The following FARSB variants were observed in gnomAD, a reference collection of about 807,000 sequenced individuals.
FARSB encodes phenylalanine--tRNA ligase beta subunit.
FARSB carries 40 observed loss-of-function variants against 69.6 expected under a neutral mutation model. The observed-to-expected ratio is 0.57, with a 90% CI of 0.45 to 0.75. The LOEUF is 0.75. Ranked by LOEUF, FARSB falls within the 30% of genes least tolerant of loss-of-function variation. The pLI is 0.00. For synonymous variants in FARSB, 235 were observed against 247.2 expected (o/e 0.95, Z 0.46); for missense variants, 632 against 722.9 (o/e 0.87, Z 1.44).
rs911510608 is a variant in FARSB at position 222,617,344 on chromosome 2, T to C, written c.1344+2301A>G. Among the ~76,000 whole-genome samples, 5 of 152,174 alleles carry C rather than the reference T, an allele frequency of 3.3e-5. No individual in the cohort carries two copies. In the South Asian group the frequency reaches 1.0e-3, roughly 32 times the overall value. On this transcript the variant is annotated intron_variant, in intron 14 of 16. Coordinates refer to ENST00000281828, the MANE Select transcript of FARSB (RefSeq NM_005687.5). ...TTTCTGATTATTTTCCTTCCACTTATATAAAATAGAAAAGACAGGATGTAA... is the reference window on the plus strand; with the variant it reads ...TTTCTGATTATTTTCCTTCCACTTACATAAAATAGAAAAGACAGGATGTAA...
At chr2:222,638,195 A>C (rs888178683) in intron 5 of FARSB, among the ~76,000 whole-genome samples, 4 of 152,210 alleles carry the variant, frequency 2.6e-5, no homozygotes, top group Admixed American at 6.5e-5. Context: ...AAATACGTAA[A>C]CTTCCAAAGC....
intron 15 of FARSB, among the ~76,000 whole-genome samples, chr2:222,603,167 C>T (rs554802510): frequency 2.0e-5 from 3 of 152,216 alleles, no homozygotes; most frequent in African/African-American, 7.2e-5. Context: ...CGAATGCTGG[C>T]CTCATTTTGC....
At chr2:222,639,157 A>G (rs1691653835) in intron 5 of FARSB, among the ~76,000 whole-genome samples, 1 of 152,238 alleles carries the variant, frequency 6.6e-6, no homozygotes, top group Admixed American at 6.5e-5. Flanking sequence ...AGTGAGAATA[A>G]GCCAAAATGT....
rs965928801 is a variant in FARSB, at chr2:222,571,039, A to G, written c.*832T>C. The G allele has an allele frequency of 6.6e-6, 1 of 152,176 alleles. No homozygotes were observed. Among genetic ancestry groups the G allele is most frequent in the Non-Finnish European group, 1.5e-5 (1 of 68,022 alleles). 9.4% of individuals were successfully genotyped at this position (152,176 alleles called of 1,614,324 possible). On this transcript the variant is annotated 3_prime_UTR_variant, in exon 17 of 17. Transcript: ENST00000281828. ...TTAGCTTCAGAAAAAGAGAGGTCTA[A>G]TATCTCCCTGGGACAATAGAGAAAC...
intron 1 of FARSB, 47 bp downstream of exon 1, chr2:222,655,969 G>C: frequency 6.9e-7 from 1 of 1,457,644 alleles, no homozygotes; most frequent in African/African-American, 1.4e-5. Flanking sequence ...GGGAGGCCCT[G>C]CCTCCGAGAA....
At chr2:222,582,909 A>G (rs888950967) in intron 16 of FARSB, among the ~76,000 whole-genome samples, 4 of 151,858 alleles carry the variant, frequency 2.6e-5, no homozygotes. Flanking sequence ...TGGCAGACAG[A>G]GCAAGACTAT....
At chr2:222,642,031 C>T (rs1691732480) in intron 3 of FARSB, among the ~76,000 whole-genome samples, 1 of 150,668 alleles carries the variant, frequency 6.6e-6, no homozygotes, top group Non-Finnish European at 1.5e-5. Flanking sequence ...AACAGAGTCT[C>T]CCTCTGCTGC....
At chr2:222,646,443 C>T (rs527912328) in intron 2 of FARSB, among the ~76,000 whole-genome samples, 6 of 152,298 alleles carry the variant, frequency 3.9e-5, no homozygotes, top group African/African-American at 1.4e-4. Flanking sequence ...ATTACATCTA[C>T]TTGAAATCGC....
At chr2:222,647,591 C>G (rs1038280667) in intron 2 of FARSB, among the ~76,000 whole-genome samples, 2 of 152,174 alleles carry the variant, frequency 1.3e-5, no homozygotes, top group Non-Finnish European at 2.9e-5. Context: ...GAAATAAAGT[C>G]AAGTTTTCTT....
At position 222,624,258 on chromosome 2, in the gene FARSB, G is replaced by A. The variant is rs1336212726; in HGVS notation, c.1170+14C>T. ...CTAACAATAAGGAGTGTTTATTTAA[G>A]GGTGCAATCTTACTTGATTAGCTAT... On this transcript the variant is annotated intron_variant, in intron 12 of 16. Coordinates refer to ENST00000281828, the MANE Select transcript of FARSB (RefSeq NM_005687.5). 1 of 1,521,490 alleles carries A rather than the reference G, an allele frequency of 6.6e-7. No homozygotes were observed. Among genetic ancestry groups the A allele is most frequent in the Non-Finnish European group, 9.1e-7 (1 of 1,097,092 alleles). 94.2% of individuals were successfully genotyped at this position (1,521,490 alleles called of 1,614,324 possible). A position where few individuals can be genotyped will look rare whatever the true frequency, so the allele number is the denominator to read the frequency against.
chr2:222,607,018 T>C (rs1574928403), intron 15 of FARSB, among the ~76,000 whole-genome samples: 1 of 152,214 alleles, frequency 6.6e-6, no homozygotes, highest in East Asian at 1.9e-4. Context: ...TTCTATTCCA[T>C]CCAACAAATT....
At position 222,648,722 on chromosome 2, in the gene FARSB, C is replaced by A. The variant is rs1270575474; in HGVS notation, c.114+18G>T. On this transcript the variant is annotated intron_variant, in intron 2 of 16. Transcript: ENST00000281828. ...ATGCACACAATCTTTGAAAAATAGA[C>A]AAATATCCAATACATACAATTTCAT... The A allele has an allele frequency of 4.7e-6, 7 of 1,485,244 alleles. No individual in the cohort carries two copies. In the South Asian group the frequency reaches 7.9e-5, roughly 17 times the overall value. 92.0% of individuals were successfully genotyped at this position (1,485,244 alleles called of 1,614,324 possible).
At chr2:222,607,195 T>C (rs925041194) in intron 15 of FARSB, among the ~76,000 whole-genome samples, 1 of 152,214 alleles carries the variant, frequency 6.6e-6, no homozygotes, top group African/African-American at 2.4e-5. Flanking sequence ...AACCTTTCTC[T>C]TGGTAGGATG....
chr2:222,569,716 T>A lies in FARSB; in HGVS notation c.*2155A>T, dbSNP rs964927338. On this transcript the variant is annotated 3_prime_UTR_variant, in exon 17 of 17. Transcript: ENST00000281828. ...TTTTAGACTCTCAGGTAAATAGAAT[T>A]AAATAGAGTCTTTTGTGTCTCTTGC... 2.0e-5 allele frequency: 3 copies of A among 152,214 alleles called. No homozygotes were observed. The highest frequency in any genetic ancestry group is 7.2e-5 in the African/African-American group (3 of 41,468). The allele number at this position is 152,214 out of a possible 1,614,324, so 9.4% of individuals were successfully genotyped here.
At chr2:222,602,656 G>A (rs908638697) in intron 15 of FARSB, among the ~76,000 whole-genome samples, 3 of 150,460 alleles carry the variant, frequency 2.0e-5, no homozygotes, top group Non-Finnish European at 4.4e-5. Context: ...AAGTTTTAGG[G>A]TACATGTGCA....
chr2:222,610,524 T>TA (rs1056087959), intron 15 of FARSB, among the ~76,000 whole-genome samples: 26 of 150,778 alleles, frequency 1.7e-4, no homozygotes, highest in South Asian at 6.3e-4. Flanking sequence ...AAATAAAAAT[T>TA]AAAAAAAAAG....
intron 16 of FARSB, 65 bp from the exon 17 acceptor site, chr2:222,572,087 C>G: frequency 7.2e-7 from 1 of 1,395,598 alleles, no homozygotes; most frequent in Non-Finnish European, 9.9e-7. Context: ...AGACATTTAA[C>G]ACTAAAAGCC....
intron 1 of FARSB, among the ~76,000 whole-genome samples, chr2:222,655,696 C>G (rs1692156713): frequency 6.6e-6 from 1 of 152,252 alleles, no homozygotes; most frequent in South Asian, 2.1e-4. Context: ...TGGCTACGCT[C>G]GGGATGCAAC....
At chr2:222,594,103 A>AG (rs1023095255) in intron 16 of FARSB, among the ~76,000 whole-genome samples, 4 of 148,072 alleles carry the variant, frequency 2.7e-5, no homozygotes, top group African/African-American at 9.9e-5. Flanking sequence ...CAAAAAAAAA[A>AG]AAAAAAAAAA....
Sources: gnomAD v4.1 joint callset for allele counts (sites outside exome capture counted in the v4.1 genomes callset) on GRCh38, gnomAD v4.1.1 for gene constraint, MANE v1.5 for transcripts, NCBI Gene and HGNC (gene_info 2026-07-23, HGNC 2026-07-21) for gene names.